Variants in CTNNA1 observed in about 807,000 individuals in gnomAD.
The protein encoded by CTNNA1 is catenin alpha-1.
A neutral mutation model predicts 98.4 loss-of-function variants in CTNNA1; 37 were observed. The observed-to-expected ratio is 0.38, with a 90% CI of 0.29 to 0.49. The LOEUF (loss-of-function observed/expected upper bound fraction) is 0.49, where lower values mean the gene tolerates loss of function less well. CTNNA1 is among the 20% of genes least tolerant of loss of function. The pLI is 0.95. For missense variants in CTNNA1, 761 were observed against 1,147.2 expected (o/e 0.66, Z 4.86); for synonymous variants, 404 against 413.2 (o/e 0.98, Z 0.27).
At chr5:138,922,703 C>A (rs1235812757) in intron 11 of CTNNA1, among the ~76,000 whole-genome samples, 1 of 152,188 alleles carries the variant, frequency 6.6e-6, no homozygotes, top group African/African-American at 2.4e-5. Flanking sequence ...GCACCTCCCC[C>A]CATCAGGTTC....
At chr5:138,808,583 C>CAT (rs1196499235) in intron 3 of CTNNA1, among the ~76,000 whole-genome samples, 1 of 151,244 alleles carries the variant, frequency 6.6e-6, no homozygotes, top group Non-Finnish European at 1.5e-5. Flanking sequence ...TTAATATATG[C>CAT]ATGTGAGGCA....
intron 7 of CTNNA1, among the ~76,000 whole-genome samples, chr5:138,843,087 T>A (rs548812772): frequency 3.9e-5 from 6 of 152,318 alleles, no homozygotes; most frequent in Non-Finnish European, 8.8e-5. Flanking sequence ...CCCTCAAGAT[T>A]TGAACAGATA....
At chr5:138,827,391 T>C (rs1488615151) in intron 6 of CTNNA1, 124 bp from the exon 7 acceptor site, 10 of 1,082,394 alleles carry the variant, frequency 9.2e-6, no homozygotes, top group African/African-American at 1.6e-5. Context: ...CTAAGAAGTA[T>C]AACTTTCTTT....
At chr5:138,842,253 T>TGGCACCACTGCACTCCA (rs1371040362) in intron 7 of CTNNA1, among the ~76,000 whole-genome samples, 5 of 152,142 alleles carry the variant, frequency 3.3e-5, no homozygotes, top group Non-Finnish European at 5.9e-5. Flanking sequence ...TGAGCCATGA[T>TGGCACCACTGCACTCCA]GGCACCACTG....
chr5:138,862,632 G>A (rs977635087), intron 7 of CTNNA1, among the ~76,000 whole-genome samples: 3 of 152,142 alleles, frequency 2.0e-5, no homozygotes, highest in Non-Finnish European at 2.9e-5. Flanking sequence ...AAAGCCAAAC[G>A]AGAGTAATAT....
At chr5:138,754,487 T>TG (rs1260512588) in intron 1 of CTNNA1, 2 of 152,154 alleles carry the variant, frequency 1.3e-5, no homozygotes, top group Admixed American at 1.3e-4. Context: ...AAGAGCGAGA[T>TG]ATGTCAAGTC....
chr5:138,795,467 A>AT, intron 3 of CTNNA1, among the ~76,000 whole-genome samples: 1 of 152,062 alleles, frequency 6.6e-6, no homozygotes, highest in African/African-American at 2.4e-5. Flanking sequence ...GAAAAAAAAA[A>AT]GAAAAAAGAA....
At chr5:138,777,850 A>AAGAGAG (rs1393756770) in intron 1 of CTNNA1, among the ~76,000 whole-genome samples, 16 of 134,078 alleles carry the variant, frequency 1.2e-4, no homozygotes, top group African/African-American at 4.5e-4. Context: ...AGACCGTGGA[A>AAGAGAG]AGAGAGGGAG....
At chr5:138,932,751 G>T (rs376660001) in intron 17 of CTNNA1, 39 bp downstream of exon 17, 5 of 1,610,796 alleles carry the variant, frequency 3.1e-6, no homozygotes, top group Middle Eastern at 1.7e-4. Flanking sequence ...CAGTGGGAAC[G>T]TGCTGACCCT....
At chr5:138,787,418 CAA>C (rs61533411) in intron 3 of CTNNA1, among the ~76,000 whole-genome samples, 6 of 133,282 alleles carry the variant, frequency 4.5e-5, no homozygotes, top group Middle Eastern at 3.6e-3. Flanking sequence ...ACTCCGTCTC[CAA>C]AAAAAAAAAA....
chr5:138,790,313 G>A (rs1208277305), intron 3 of CTNNA1, among the ~76,000 whole-genome samples: 1 of 152,214 alleles, frequency 6.6e-6, no homozygotes, highest in Non-Finnish European at 1.5e-5. Context: ...TGTGACTTGA[G>A]GCATTTAGGG....
intron 7 of CTNNA1, chr5:138,872,913 G>T: frequency 1.2e-6 from 1 of 858,162 alleles, no homozygotes; most frequent in Non-Finnish European, 1.7e-6. Flanking sequence ...GGAAAATTAG[G>T]CTTAATGTCA....
chr5:138,819,148 T>C (rs182386996), intron 5 of CTNNA1, among the ~76,000 whole-genome samples: 62 of 152,160 alleles, frequency 4.1e-4, no homozygotes, highest in African/African-American at 1.3e-3. Flanking sequence ...CCTGAGCCAA[T>C]AGGGCTCAGT....
At chr5:138,779,717 G>GTTT (rs1419754755) in intron 1 of CTNNA1, among the ~76,000 whole-genome samples, 8 of 74,498 alleles carry the variant, frequency 1.1e-4, no homozygotes, top group African/African-American at 3.6e-4. Context: ...GTTTTTTTTT[G>GTTT]TTTTTGTTTT....
chr5:138,869,418 T>C (rs1027604478), intron 7 of CTNNA1: 1 of 151,650 alleles, frequency 6.6e-6, no homozygotes, highest in African/African-American at 2.4e-5. Flanking sequence ...GTCAATAAGA[T>C]ATGAAAAGTA....
At chr5:138,871,598 A>G (rs942053983) in intron 7 of CTNNA1, 1 of 152,204 alleles carries the variant, frequency 6.6e-6, no homozygotes, top group Non-Finnish European at 1.5e-5. Flanking sequence ...CAGATTGTGT[A>G]TAATCATTGT....
chr5:138,780,832 T>G (rs190853832), intron 1 of CTNNA1, among the ~76,000 whole-genome samples: 1 of 152,340 alleles, frequency 6.6e-6, no homozygotes, highest in Non-Finnish European at 1.5e-5. Context: ...CTTTTAAATG[T>G]CTACCAGCAG....
intron 10 of CTNNA1, among the ~76,000 whole-genome samples, chr5:138,912,270 G>A (rs189323698): frequency 2.1e-3 from 318 of 152,240 alleles, no homozygotes; most frequent in African/African-American, 7.1e-3. Flanking sequence ...AAAAAAAAGC[G>A]GGGGAGTTTC....
At chr5:138,822,578 GAAAATGCCACAC>G (rs1363934939) in intron 5 of CTNNA1, among the ~76,000 whole-genome samples, 1 of 152,130 alleles carries the variant, frequency 6.6e-6, no homozygotes, top group Non-Finnish European at 1.5e-5. Flanking sequence ...AAGACATTTA[GAAAATGCCACAC>G]AAAACATGTG....
Sources: allele counts gnomAD v4.1 joint callset (sites outside exome capture counted in the v4.1 genomes callset), GRCh38; gene constraint gnomAD v4.1.1; transcripts MANE v1.5; gene names NCBI Gene and HGNC (gene_info 2026-07-23, HGNC 2026-07-21).